PTPRD: variants seen among roughly 807,000 people sequenced by gnomAD.
The protein encoded by PTPRD is receptor-type tyrosine-protein phosphatase delta.
Under a neutral mutation model 214.5 loss-of-function variants are expected in PTPRD, and 34 were observed. The observed-to-expected ratio is 0.16, with a 90% confidence interval of 0.12 to 0.21. The LOEUF (loss-of-function observed/expected upper bound fraction) is 0.21. Ranked by LOEUF, PTPRD falls within the 10% of genes least tolerant of loss-of-function variation. The pLI is 1.00. For missense variants in PTPRD, 2,545 were observed against 2,398.7 expected (o/e 1.06, Z -1.27); for synonymous variants, 1,128 against 845.7 (o/e 1.33, Z -5.79).
At chr9:10,220,200 A>G (rs1032195178) in intron 3 of PTPRD, among the ~76,000 whole-genome samples, 3 of 151,928 alleles carry the variant, frequency 2.0e-5, no homozygotes, top group African/African-American at 7.2e-5. Flanking sequence ...AAATTGCAGT[A>G]TAACACAAAA....
chr9:9,958,343 A>G (rs1042884196), intron 4 of PTPRD, among the ~76,000 whole-genome samples: 3 of 152,170 alleles, frequency 2.0e-5, no homozygotes, highest in Admixed American at 6.5e-5. Context: ...CAGCCTGACC[A>G]ACATGGTGAA....
chr9:8,716,984 G>A (rs1255920206), intron 12 of PTPRD, among the ~76,000 whole-genome samples: 1 of 152,070 alleles, frequency 6.6e-6, no homozygotes, highest in Non-Finnish European at 1.5e-5. Flanking sequence ...TAGACAACGT[G>A]GCAAAACCCC....
At chr9:10,180,682 T>G (rs952179403) in intron 3 of PTPRD, among the ~76,000 whole-genome samples, 2 of 151,304 alleles carry the variant, frequency 1.3e-5, no homozygotes, top group African/African-American at 4.8e-5. Flanking sequence ...TAGATTAGCT[T>G]ACCAAATCAA....
chr9:8,934,431 ATATAAATATATATATAAATT>A (rs1567097184), intron 11 of PTPRD, among the ~76,000 whole-genome samples: 12 of 46,292 alleles, frequency 2.6e-4, no homozygotes, highest in African/African-American at 5.8e-4. Flanking sequence ...GTATATATAT[ATATAAATATATATATAAATT>A]TATATATATA....
chr9:10,023,745 A>G (rs1376582259), intron 4 of PTPRD, among the ~76,000 whole-genome samples: 1 of 151,708 alleles, frequency 6.6e-6, no homozygotes, highest in African/African-American at 2.4e-5. Context: ...CAAATGCTAC[A>G]GAAGTGTTAA....
intron 14 of PTPRD, among the ~76,000 whole-genome samples, chr9:8,531,613 CT>C (rs1713677901): frequency 6.6e-6 from 1 of 152,058 alleles, no homozygotes; most frequent in African/African-American, 2.4e-5. Flanking sequence ...CAAAAATCAC[CT>C]TGCGATTCCT....
chr9:8,709,289 C>A (rs148504552), intron 12 of PTPRD, among the ~76,000 whole-genome samples: 20 of 151,626 alleles, frequency 1.3e-4, no homozygotes, highest in Non-Finnish European at 2.4e-4. Context: ...CTGAGGTGGG[C>A]GGATCACGAG....
intron 27 of PTPRD, among the ~76,000 whole-genome samples, chr9:8,487,251 G>C (rs968944334): frequency 1.3e-5 from 2 of 152,050 alleles, no homozygotes; most frequent in East Asian, 3.9e-4. Context: ...ATGGTGAAAG[G>C]CTAGCTTCCA....
chr9:8,931,293 A>G (rs1452606448), intron 11 of PTPRD, among the ~76,000 whole-genome samples: 1 of 151,770 alleles, frequency 6.6e-6, no homozygotes, highest in Non-Finnish European at 1.5e-5. Context: ...ATTATTTTTG[A>G]GGGCTCTGTT....
intron 3 of PTPRD, among the ~76,000 whole-genome samples, chr9:10,105,044 C>A (rs1022514023): frequency 6.6e-6 from 1 of 151,816 alleles, no homozygotes; most frequent in Non-Finnish European, 1.5e-5. Context: ...TCCATTAATG[C>A]CTCCTTTGGG....
intron 8 of PTPRD, among the ~76,000 whole-genome samples, chr9:9,424,206 A>G (rs552273462): frequency 1.6e-4 from 24 of 152,310 alleles, no homozygotes; most frequent in Admixed American, 7.8e-4. Context: ...ACTTCATCAC[A>G]GTTTTACTTC....
At position 9,344,747 on chromosome 9, in the gene PTPRD, T is replaced by A. The variant is rs2048182663; in HGVS notation, c.-203+52702A>T. Among the ~76,000 whole-genome samples the A allele has an allele frequency of 1.3e-5, 2 of 152,026 alleles. 1 individual carries two copies. Among genetic ancestry groups the A allele is most frequent in the Admixed American group, 1.3e-4 (2 of 15,254 alleles). On this transcript the variant is annotated intron_variant, in intron 9 of 45. Transcript: ENST00000381196. ...ATCCAAAAGGCAAGTTACCTGAATA[T>A]ATTTAATATTTTTTATTTTGAAAAA...
chr9:8,830,317 A>G (rs1200303859), intron 11 of PTPRD, among the ~76,000 whole-genome samples: 1 of 152,148 alleles, frequency 6.6e-6, no homozygotes, highest in Non-Finnish European at 1.5e-5. Flanking sequence ...TAAATTTGCA[A>G]AGATTATTTT....
intron 2 of PTPRD, among the ~76,000 whole-genome samples, chr9:10,442,261 C>A (rs767529780): frequency 1.2e-4 from 18 of 151,490 alleles, no homozygotes; most frequent in Non-Finnish European, 2.1e-4. Context: ...AAGTTATTAT[C>A]CTTTTGGTAT....
chr9:8,322,077 C>T lies in PTPRD; in HGVS notation c.5535-2111G>A, dbSNP rs368309560. Among the ~76,000 whole-genome samples the T allele has an allele frequency of 6.6e-5, 10 of 152,150 alleles. No individual in the cohort carries two copies. In the East Asian group the frequency reaches 1.5e-3, roughly 24 times the overall value. ...TGGTTTGGGGTGCCATGAACCATGACCATAAGACAACAAACACTTAATTGA... is the reference window on the plus strand; with the variant it reads ...TGGTTTGGGGTGCCATGAACCATGATCATAAGACAACAAACACTTAATTGA... On this transcript the variant is annotated intron_variant, in intron 44 of 45. Transcript: ENST00000381196.
chr9:9,512,497 T>C (rs2096733374), intron 8 of PTPRD, among the ~76,000 whole-genome samples: 1 of 151,912 alleles, frequency 6.6e-6, no homozygotes, highest in Non-Finnish European at 1.5e-5. Flanking sequence ...TGTTTTAGCT[T>C]ACAGAGAATA....
At chr9:8,696,059 A>G (rs1390847058) in intron 12 of PTPRD, among the ~76,000 whole-genome samples, 2 of 152,222 alleles carry the variant, frequency 1.3e-5, no homozygotes, top group African/African-American at 4.8e-5. Context: ...GAGTAAAAGC[A>G]CAACCCAAGA....
intron 11 of PTPRD, among the ~76,000 whole-genome samples, chr9:8,913,867 G>C (rs1344952940): frequency 6.6e-6 from 1 of 152,078 alleles, no homozygotes. Flanking sequence ...TTAAATCCTG[G>C]ACCATCTAAG....
At chr9:9,037,649 ATTCTCT>A (rs2099626228) in intron 10 of PTPRD, among the ~76,000 whole-genome samples, 1 of 152,168 alleles carries the variant, frequency 6.6e-6, no homozygotes, top group Non-Finnish European at 1.5e-5. Context: ...CCTTGGAATG[ATTCTCT>A]TTGTCTTTCC....
Sources: allele counts gnomAD v4.1 joint callset (sites outside exome capture counted in the v4.1 genomes callset), GRCh38; gene constraint gnomAD v4.1.1; transcripts MANE v1.5; gene names NCBI Gene and HGNC (gene_info 2026-07-23, HGNC 2026-07-21).